Variants in STON1 observed in about 807,000 individuals in gnomAD.
STON1 encodes stonin-1.
In STON1, 79 loss-of-function variants were observed where a neutral mutation model predicts 60.9. The observed-to-expected ratio is 1.30, with a 90% CI of 1.08 to 1.56. The LOEUF (loss-of-function observed/expected upper bound fraction) is 1.56. Ranked by LOEUF, STON1 falls within the 40% of genes most tolerant of loss-of-function variation. The pLI is 0.00. For missense variants in STON1, 1,166 were observed against 858.9 expected (o/e 1.36, Z -4.47); for synonymous variants, 363 against 306.9 (o/e 1.18, Z -1.91).
At position 48,596,728 on chromosome 2, in the gene STON1, T is replaced by C. The variant is rs1674796604; in HGVS notation, c.*1426T>C. The stretch of plus-strand genomic sequence containing the variant: ...TCATTGAAATCTGTTCAAAAACAGA[T>C]TAAGACAAACATTTATGATGGTCTG... On this transcript the variant is annotated 3_prime_UTR_variant, in exon 4 of 4. Transcript: ENST00000404752. 6.6e-6 allele frequency: 1 copy of C among 152,234 alleles called. No homozygotes were observed. The highest frequency in any genetic ancestry group is 2.4e-5 in the African/African-American group (1 of 41,456). The allele number at this position is 152,234 out of a possible 1,614,324, so 9.4% of individuals were successfully genotyped here.
intron 1 of STON1, among the ~76,000 whole-genome samples, chr2:48,543,175 A>G (rs1057032660): frequency 6.6e-6 from 1 of 151,900 alleles, no homozygotes; most frequent in Non-Finnish European, 1.5e-5. Context: ...GGGTTTCACC[A>G]TGTTGGCCAG....
chr2:48,577,312 G>T (rs1673571701), intron 1 of STON1, among the ~76,000 whole-genome samples: 1 of 152,142 alleles, frequency 6.6e-6, no homozygotes, highest in African/African-American at 2.4e-5. Context: ...ACCGGGCGCG[G>T]TGGCTCATCC....
intron 1 of STON1, among the ~76,000 whole-genome samples, chr2:48,554,571 T>A (rs1158707974): frequency 6.6e-6 from 1 of 152,180 alleles, no homozygotes; most frequent in East Asian, 1.9e-4. Flanking sequence ...GAGGTTAGCC[T>A]GCCAGGGGCT....
intron 1 of STON1, among the ~76,000 whole-genome samples, chr2:48,544,653 C>G (rs1322663287): frequency 2.0e-5 from 3 of 152,186 alleles, no homozygotes; most frequent in Non-Finnish European, 4.4e-5. Context: ...TCAAGCGATC[C>G]TCCTGCTTCA....
intron 1 of STON1, among the ~76,000 whole-genome samples, chr2:48,559,847 TG>T (rs1672535809): frequency 6.6e-6 from 1 of 152,174 alleles, no homozygotes; most frequent in Non-Finnish European, 1.5e-5. Flanking sequence ...TACAAGAATT[TG>T]TACCAGAACC....
chr2:48,589,394 T>A (rs1674391243), intron 2 of STON1, among the ~76,000 whole-genome samples: 1 of 152,198 alleles, frequency 6.6e-6, no homozygotes, highest in Non-Finnish European at 1.5e-5. Flanking sequence ...ACAACACGAT[T>A]TTCCTCTATC....
intron 1 of STON1, among the ~76,000 whole-genome samples, chr2:48,574,782 C>G (rs1036663490): frequency 6.6e-6 from 1 of 152,182 alleles, no homozygotes; most frequent in Non-Finnish European, 1.5e-5. Context: ...ACAATACTAA[C>G]AAGGTCTGGG....
Position 48,581,175 on chromosome 2 carries a change from C to A in STON1, c.542C>A (p.Ala181Asp). 6.5e-7 allele frequency: 1 copy of A among 1,539,800 alleles called. No homozygotes were observed. The highest frequency in any genetic ancestry group is 8.7e-7 in the Non-Finnish European group (1 of 1,150,424). Residue 181 changes from alanine (A) to aspartate (D), a missense_variant, in exon 2 of 4, where the codon GCT becomes GAT. Physicochemically the swap from Ala to Asp is moderately radical, Grantham distance 126 (BLOSUM62 -2). Transcript: ENST00000404752. ...TTTCAGTATTTTCGAGAGGACTGTG[C>A]TTTTTCAAGTCCATTTTGGAAAGAT... ...PQFQYFREDC[A>D]FSSPFWKDEG...
At chr2:48,551,955 G>T (rs1374573762) in intron 1 of STON1, among the ~76,000 whole-genome samples, 1 of 152,180 alleles carries the variant, frequency 6.6e-6, no homozygotes, top group Non-Finnish European at 1.5e-5. Context: ...CTACTCTGAG[G>T]GTTAGTTCCT....
intron 2 of STON1, among the ~76,000 whole-genome samples, chr2:48,583,340 T>C (rs1302548443): frequency 6.6e-6 from 1 of 152,186 alleles, no homozygotes; most frequent in African/African-American, 2.4e-5. Context: ...CCTCCCACAT[T>C]GGCCTCCCAA....
chr2:48,558,994 C>T (rs1672500550), intron 1 of STON1, among the ~76,000 whole-genome samples: 1 of 152,134 alleles, frequency 6.6e-6, no homozygotes, highest in Admixed American at 6.5e-5. Flanking sequence ...AAAGGAAATA[C>T]TCATTGGAGC....
At chr2:48,530,338 C>T (rs1200451665) in intron 1 of STON1, 122 bp downstream of exon 1, 1 of 278,180 alleles carries the variant, frequency 3.6e-6, no homozygotes, top group Non-Finnish European at 7.0e-6. Context: ...TCTCCAGGGC[C>T]GCTCGGCGCC....
chr2:48,583,847 G>A (rs931755786), intron 2 of STON1, among the ~76,000 whole-genome samples: 2 of 151,698 alleles, frequency 1.3e-5, no homozygotes, highest in Non-Finnish European at 2.9e-5. Context: ...CGCCTCTCGG[G>A]TTCAAGTGAT....
chr2:48,563,842 T>C (rs1389961007), intron 1 of STON1, among the ~76,000 whole-genome samples: 2 of 151,932 alleles, frequency 1.3e-5, no homozygotes, highest in East Asian at 1.9e-4. Context: ...TACAGCCACA[T>C]GCCACCATGC....
intron 1 of STON1, among the ~76,000 whole-genome samples, chr2:48,546,241 C>A (rs1444139761): frequency 2.0e-5 from 3 of 152,214 alleles, no homozygotes; most frequent in Admixed American, 2.0e-4. Context: ...AAATCAAGCT[C>A]TATCGTGAGA....
chr2:48,553,067 C>T (rs1672167988), intron 1 of STON1, among the ~76,000 whole-genome samples: 1 of 152,096 alleles, frequency 6.6e-6, no homozygotes, highest in South Asian at 2.1e-4. Flanking sequence ...ATCTCAGACT[C>T]TGACAAGTCA....
intron 2 of STON1, among the ~76,000 whole-genome samples, chr2:48,587,942 C>T (rs1674306581): frequency 1.3e-5 from 2 of 152,140 alleles, no homozygotes; most frequent in Non-Finnish European, 2.9e-5. Flanking sequence ...GGCCCTGCCC[C>T]AAGCTTCTCC....
intron 1 of STON1, among the ~76,000 whole-genome samples, chr2:48,565,805 A>G (rs1198272515): frequency 1.3e-5 from 2 of 152,352 alleles, no homozygotes; most frequent in Admixed American, 1.3e-4. Flanking sequence ...ATGAGGTAAA[A>G]TTAATATTAC....
Position 48,595,302 on chromosome 2 carries a change from G to A in STON1, c.2208G>A (p.Ter736=), listed in dbSNP as rs1572656441. 3 of 1,612,842 alleles carry A rather than the reference G, an allele frequency of 1.9e-6. No individual in the cohort carries two copies. Among genetic ancestry groups the A allele is most frequent in the Non-Finnish European group, 2.5e-6 (3 of 1,179,024 alleles). The change falls in exon 4 of 4, where the codon TAG becomes TAA. Residue 736 remains the stop codon, a stop_retained_variant. Coordinates refer to ENST00000404752, the MANE Select transcript of STON1 (RefSeq NM_006873.4). The part of the protein sequence containing the change: ...PDKIGDCITQ[*] Reference sequence around the variant, plus strand: ...AAATTGGTGACTGCATAACTCAGTAGGAGTAGCAAGAGTTTATGATGACAG... The same window carrying A: ...AAATTGGTGACTGCATAACTCAGTAAGAGTAGCAAGAGTTTATGATGACAG...
Sources: allele counts gnomAD v4.1 joint callset (sites outside exome capture counted in the v4.1 genomes callset), GRCh38; gene constraint gnomAD v4.1.1; transcripts MANE v1.5; gene names NCBI Gene and HGNC (gene_info 2026-07-23, HGNC 2026-07-21).